Variants in PCDHGB2 observed in about 807,000 individuals in gnomAD.
The protein encoded by PCDHGB2 is protocadherin gamma subfamily B, 2.
A neutral mutation model predicts 59.3 loss-of-function variants in PCDHGB2; 55 were observed. The observed-to-expected ratio is 0.93, with a 90% CI of 0.75 to 1.16. PCDHGB2 has a LOEUF of 1.16. Ranked by LOEUF, PCDHGB2 falls within the 50% of genes most tolerant of loss-of-function variation. PCDHGB2 has a pLI of 0.00. For missense variants in PCDHGB2, 1,228 were observed against 1,198.5 expected (o/e 1.02, Z -0.36); for synonymous variants, 516 against 512.0 (o/e 1.01, Z -0.11).
chr5:141,378,863 G>C (rs934816631), intron 1 of PCDHGB2: 1 of 152,136 alleles, frequency 6.6e-6, no homozygotes, highest in Non-Finnish European at 1.5e-5. Context: ...AATGATGTTC[G>C]AATAGAAAAT....
chr5:141,422,453 G>A, intron 1 of PCDHGB2: 3 of 1,611,704 alleles, frequency 1.9e-6, no homozygotes, highest in Non-Finnish European at 2.5e-6. Context: ...ATAACAAGCA[G>A]AGTGCTGGAC....
chr5:141,403,601 G>A, intron 1 of PCDHGB2: 1 of 1,613,814 alleles, frequency 6.2e-7, no homozygotes, highest in Non-Finnish European at 8.5e-7. Flanking sequence ...GGCCTCGGAT[G>A]GCGGCGAGCC....
intron 3 of PCDHGB2, 125 bp downstream of exon 3, chr5:141,505,606 C>G: frequency 6.5e-7 from 1 of 1,528,642 alleles, no homozygotes; most frequent in Non-Finnish European, 8.8e-7. Flanking sequence ...TTCGGCAGGT[C>G]TGAAAGGACC....
rs779750859 is a variant in PCDHGB2, at chr5:141,476,273, A to G, written c.2422-18534A>G. On this transcript the variant is annotated intron_variant, in intron 1 of 3. Transcript: ENST00000522605. The surrounding 1 kb of genome is among the most constrained non-coding windows in gnomAD (Gnocchi z 7.6). Reference sequence around the variant, plus strand: ...TTTCGCTGTGGGCAACGTGGTCGCGAACCTTGGTTTGGATCTCGGTAGCCT... The same window carrying G: ...TTTCGCTGTGGGCAACGTGGTCGCGGACCTTGGTTTGGATCTCGGTAGCCT... 6.2e-7 allele frequency: 1 copy of G among 1,613,964 alleles called. No individual in the cohort carries two copies. The highest frequency in any genetic ancestry group is 1.1e-5 in the South Asian group (1 of 91,064).
Position 141,399,669 on chromosome 5 carries a change from C to T in PCDHGB2, c.2421+37113C>T, listed in dbSNP as rs2093861369. 1.9e-6 allele frequency: 3 copies of T among 1,613,524 alleles called. No individual in the cohort carries two copies. The African/African-American group carries it at 4.0e-5, about 22-fold the overall frequency. On this transcript the variant is annotated intron_variant, in intron 1 of 3. Coordinates refer to ENST00000522605, the MANE Select transcript of PCDHGB2 (RefSeq NM_018923.3). ...AAAGTGGGGTGGTGTTCGCGCAGCG[C>T]GCCTTTGACTACGAGCAGCTGCGCA...
In PCDHGB2 at chr5:141,477,794, C is replaced by A. The variant is rs148942362; in HGVS notation, c.2422-17013C>A. On this transcript the variant is annotated intron_variant, in intron 1 of 3. Coordinates refer to ENST00000522605, the MANE Select transcript of PCDHGB2 (RefSeq NM_018923.3). This position sits in a 1 kb window ranked among gnomAD's most constrained non-coding sequence, Gnocchi z 4.9. ...CAGCGTGAACATATTTGTCACTGAT[C>A]GCAATGACAATGCCCCCCAGGTCCT... The A allele has an allele frequency of 5.6e-6, 9 of 1,614,086 alleles. No individual in the cohort carries two copies. Among genetic ancestry groups the A allele is most frequent in the Non-Finnish European group, 7.6e-6 (9 of 1,180,030 alleles).
intron 1 of PCDHGB2, among the ~76,000 whole-genome samples, chr5:141,472,273 G>A (rs2099275685): frequency 6.6e-6 from 1 of 152,170 alleles, no homozygotes; most frequent in South Asian, 2.1e-4. Context: ...CGGGCACAGT[G>A]GCTCACACCT....
chr5:141,399,460 G>T (rs1465606526), intron 1 of PCDHGB2: 1 of 1,613,962 alleles, frequency 6.2e-7, no homozygotes, highest in Middle Eastern at 1.6e-4. Flanking sequence ...CAACGATAAC[G>T]CTCCGGTTTT....
In PCDHGB2 at chr5:141,431,468, G is replaced by C. The variant is rs756718016; in HGVS notation, c.2422-63339G>C. 4 of 1,613,804 alleles carry C rather than the reference G, an allele frequency of 2.5e-6. No homozygotes were observed. Among genetic ancestry groups the C allele is most frequent in the Non-Finnish European group, 3.4e-6 (4 of 1,179,964 alleles). On this transcript the variant is annotated intron_variant, in intron 1 of 3. Coordinates refer to ENST00000522605, the MANE Select transcript of PCDHGB2 (RefSeq NM_018923.3). The surrounding 1 kb of genome is among the most constrained non-coding windows in gnomAD (Gnocchi z 4.8). Reference sequence around the variant, plus strand: ...CCGCGTGATGGTTCTGGATGCGAACGACAACGCACCAGCGTTTGCTCAGCC... The same window carrying C: ...CCGCGTGATGGTTCTGGATGCGAACCACAACGCACCAGCGTTTGCTCAGCC...
intron 1 of PCDHGB2, chr5:141,382,987 C>G: frequency 6.2e-7 from 1 of 1,613,278 alleles, no homozygotes; most frequent in Non-Finnish European, 8.5e-7. Context: ...CTGGGCAGGA[C>G]GTATTCTCTA....
intron 1 of PCDHGB2, chr5:141,394,156 AC>A (rs2092929687): frequency 6.2e-7 from 1 of 1,613,556 alleles, no homozygotes; most frequent in Admixed American, 1.7e-5. Flanking sequence ...ATTAACGACA[AC>A]CCTCCTACTT....
Position 141,360,096 on chromosome 5 carries a change from T to A in PCDHGB2, c.-40T>A. The A allele has an allele frequency of 6.6e-7, 1 of 1,526,388 alleles. No individual in the cohort carries two copies. Among genetic ancestry groups the A allele is most frequent in the Non-Finnish European group, 8.8e-7 (1 of 1,137,034 alleles). 94.6% of individuals were successfully genotyped at this position (1,526,388 alleles called of 1,614,324 possible). A position where few individuals can be genotyped will look rare whatever the true frequency, so the allele number is the denominator to read the frequency against. ...CCGGATTCTGCCATCCCCGGAAGGCTTATTCCTCCTATGGGCAAAGGAGCA... is the reference window on the plus strand; with the variant it reads ...CCGGATTCTGCCATCCCCGGAAGGCATATTCCTCCTATGGGCAAAGGAGCA... On this transcript the variant is annotated 5_prime_UTR_variant, in exon 1 of 4. Transcript: ENST00000522605.
At chr5:141,424,022 AAC>A (rs1390245883) in intron 1 of PCDHGB2, 1 of 1,046,586 alleles carries the variant, frequency 9.6e-7, no homozygotes, top group Non-Finnish European at 1.2e-6. Flanking sequence ...ATGATTCACA[AAC>A]ACTTTTTATT....
At chr5:141,389,724 C>A in intron 1 of PCDHGB2, 3 of 1,612,722 alleles carry the variant, frequency 1.9e-6, no homozygotes, top group African/African-American at 1.3e-5. Context: ...CGAGCCCGGG[C>A]TCTTCAGCCT....
intron 1 of PCDHGB2, chr5:141,421,816 C>T (rs981400135): frequency 1.2e-5 from 19 of 1,613,696 alleles, no homozygotes; most frequent in Non-Finnish European, 1.4e-5. Context: ...AGAGCTAGTA[C>T]TGGAGGGAAG....
chr5:141,472,364 AC>A (rs2099278314), intron 1 of PCDHGB2, among the ~76,000 whole-genome samples: 1 of 151,866 alleles, frequency 6.6e-6, no homozygotes, highest in Non-Finnish European at 1.5e-5. Flanking sequence ...ACACGGTGAA[AC>A]CCCGTCTCCA....
intron 1 of PCDHGB2, among the ~76,000 whole-genome samples, chr5:141,438,587 CAT>C (rs1372372472): frequency 3.8e-4 from 28 of 73,432 alleles, no homozygotes; most frequent in African/African-American, 1.4e-3. Flanking sequence ...TACATACATA[CAT>C]ACATATATAT....
chr5:141,409,600 G>A (rs778681839), intron 1 of PCDHGB2: 1 of 1,613,764 alleles, frequency 6.2e-7, no homozygotes. Context: ...AGAACAACCC[G>A]CCAGGAGCCT....
intron 1 of PCDHGB2, among the ~76,000 whole-genome samples, chr5:141,469,232 A>AC (rs1350524557): frequency 2.0e-5 from 3 of 151,722 alleles, no homozygotes; most frequent in Non-Finnish European, 4.4e-5. Flanking sequence ...AGCCATGATC[A>AC]CCCCACTGCA....
Sources: allele counts gnomAD v4.1 joint callset (sites outside exome capture counted in the v4.1 genomes callset), GRCh38; gene constraint gnomAD v4.1.1; non-coding constraint Gnocchi (gnomAD v3.1); transcripts MANE v1.5; gene names NCBI Gene and HGNC (gene_info 2026-07-23, HGNC 2026-07-21).